The following TPTE variants were observed in gnomAD, a reference collection of about 807,000 sequenced individuals.
The protein encoded by TPTE is transmembrane phosphatase with tensin homology.
A neutral mutation model predicts 84.1 loss-of-function variants in TPTE; 59 were observed. The observed-to-expected ratio is 0.70, with a 90% CI of 0.57 to 0.87. The LOEUF is 0.87. Ranked by LOEUF, TPTE falls within the 40% of genes least tolerant of loss-of-function variation. The pLI, the probability that TPTE is intolerant of heterozygous loss-of-function variation, is 0.00. For synonymous variants in TPTE, 130 were observed against 223.5 expected, an observed-to-expected ratio of 0.58 and a Z score of 3.73; for missense variants, 382 against 659.6, an observed-to-expected ratio of 0.58 and a Z score of 4.61.
chr21:10,542,298 A>G (rs2074383088), intron 5 of TPTE, 97 bp from the exon 6 acceptor site: 1 of 1,426,996 alleles, frequency 7.0e-7, no homozygotes, highest in African/African-American at 1.4e-5. Context: ...GTCAGAAATT[A>G]ATTGGTTTCT....
In TPTE at chr21:10,542,500, A is replaced by G. The variant is rs564082001; in HGVS notation, c.119+52A>G. 42 of 1,599,426 alleles carry G rather than the reference A, an allele frequency of 2.6e-5. No individual in the cohort carries two copies. The East Asian group carries it at 4.3e-4, about 16-fold the overall frequency. Reference sequence around the variant, plus strand: ...CGTCAGCATAAGTGTGCATAGAACTATACACACACAGGCACATGAGCAAGT... The same window carrying G: ...CGTCAGCATAAGTGTGCATAGAACTGTACACACACAGGCACATGAGCAAGT... On this transcript the variant is annotated intron_variant, in intron 6 of 23. Transcript: ENST00000618007.
intron 17 of TPTE, among the ~76,000 whole-genome samples, chr21:10,589,409 GCT>G (rs1249430523): frequency 2.6e-5 from 4 of 152,304 alleles, no homozygotes; most frequent in African/African-American, 4.8e-5. Flanking sequence ...ATTGGGAGGA[GCT>G]CTCTGTTGCC....
chr21:10,561,222 G>T (rs563370206), intron 10 of TPTE, 31 bp downstream of exon 10: 156 of 1,609,352 alleles, frequency 9.7e-5, no homozygotes, highest in Middle Eastern at 9.1e-4. Context: ...AATGCATTAA[G>T]CTACTTTGTA....
At chr21:10,559,198 G>C (rs1399043540) in intron 8 of TPTE, among the ~76,000 whole-genome samples, 1 of 152,310 alleles carries the variant, frequency 6.6e-6, no homozygotes, top group Non-Finnish European at 1.5e-5. Flanking sequence ...TCCTTGAGAT[G>C]ATGACCACCA....
chr21:10,605,324 T>G (rs1436633645), intron 23 of TPTE, 93 bp from the exon 24 acceptor site: 4 of 1,488,438 alleles, frequency 2.7e-6, no homozygotes, highest in Non-Finnish European at 3.6e-6. Flanking sequence ...TGAGGTTCTT[T>G]TTTTGTTTCT....
intron 3 of TPTE, among the ~76,000 whole-genome samples, chr21:10,532,431 T>C (rs1437938175): frequency 6.6e-6 from 1 of 152,306 alleles, no homozygotes; most frequent in Non-Finnish European, 1.5e-5. Flanking sequence ...ATTGTAGTAA[T>C]CTTTGCAAAG....
At chr21:10,526,606 T>G (rs1317114884) in intron 2 of TPTE, among the ~76,000 whole-genome samples, 3 of 152,306 alleles carry the variant, frequency 2.0e-5, no homozygotes, top group Non-Finnish European at 4.4e-5. Flanking sequence ...TAGAAAATTG[T>G]GGTGAAGAGC....
intron 21 of TPTE, among the ~76,000 whole-genome samples, chr21:10,601,663 C>T (rs150567): frequency 4.6e-5 from 7 of 151,716 alleles, no homozygotes; most frequent in Admixed American, 1.3e-4. Flanking sequence ...GACCAGCCTG[C>T]CTAATATAGT....
chr21:10,553,857 T>A (rs1247742776), intron 8 of TPTE, among the ~76,000 whole-genome samples: 1 of 152,308 alleles, frequency 6.6e-6, no homozygotes, highest in Non-Finnish European at 1.5e-5. Context: ...ATGTACTGGA[T>A]ATTGTATTTA....
At chr21:10,600,090 C>G (rs1600988521) in intron 21 of TPTE, among the ~76,000 whole-genome samples, 1 of 152,302 alleles carries the variant, frequency 6.6e-6, no homozygotes, top group East Asian at 1.9e-4. Context: ...TAAACATGAG[C>G]CACGCTGCCC....
intron 21 of TPTE, among the ~76,000 whole-genome samples, chr21:10,599,600 A>T (rs2075651239): frequency 6.6e-6 from 1 of 152,312 alleles, no homozygotes; most frequent in Admixed American, 6.5e-5. Flanking sequence ...TGTGATAATT[A>T]TCAGGCCTCT....
At chr21:10,564,649 C>G (rs1465082719) in intron 10 of TPTE, among the ~76,000 whole-genome samples, 8 of 152,312 alleles carry the variant, frequency 5.3e-5, no homozygotes, top group Non-Finnish European at 8.8e-5. Flanking sequence ...AAAGATCACT[C>G]ATCATGACAA....
intron 10 of TPTE, among the ~76,000 whole-genome samples, chr21:10,564,834 A>G (rs553239448): frequency 1.3e-5 from 2 of 152,430 alleles, no homozygotes; most frequent in African/African-American, 2.4e-5. Flanking sequence ...AAAACTGGGT[A>G]TAGAAGTAAC....
chr21:10,527,898 A>C (rs1209394091), intron 3 of TPTE, among the ~76,000 whole-genome samples: 1 of 152,306 alleles, frequency 6.6e-6, no homozygotes, highest in Non-Finnish European at 1.5e-5. Flanking sequence ...AAGGTGGTGG[A>C]GGGACTTGAT....
intron 19 of TPTE, among the ~76,000 whole-genome samples, chr21:10,594,122 G>T (rs113678226): frequency 8.4e-4 from 127 of 151,958 alleles, no homozygotes; most frequent in African/African-American, 2.9e-3. Context: ...TGGCACTCAA[G>T]AGCCACTCTT....
At chr21:10,537,236 C>G (rs1031916431) in intron 3 of TPTE, among the ~76,000 whole-genome samples, 14 of 152,300 alleles carry the variant, frequency 9.2e-5, no homozygotes, top group Admixed American at 7.9e-4. Context: ...AACTAAACAT[C>G]GCTTGTGAGT....
At chr21:10,529,064 G>A (rs1312605763) in intron 3 of TPTE, among the ~76,000 whole-genome samples, 1 of 152,302 alleles carries the variant, frequency 6.6e-6, no homozygotes, top group Non-Finnish European at 1.5e-5. Context: ...CATGCCTGCA[G>A]TCCCAGCTAC....
intron 2 of TPTE, among the ~76,000 whole-genome samples, chr21:10,525,224 A>G (rs1426118891): frequency 6.6e-6 from 1 of 152,312 alleles, no homozygotes; most frequent in Non-Finnish European, 1.5e-5. Context: ...CGGCTTACAA[A>G]GCAGCATGAT....
At chr21:10,597,923 T>A in intron 20 of TPTE, 92 bp from the exon 21 acceptor site, 1 of 1,497,064 alleles carries the variant, frequency 6.7e-7, no homozygotes, top group Non-Finnish European at 9.1e-7. Context: ...TTGGATAATT[T>A]TTTCTCATTT....
Sources: gnomAD v4.1 joint callset for allele counts (sites outside exome capture counted in the v4.1 genomes callset) on GRCh38, gnomAD v4.1.1 for gene constraint, MANE v1.5 for transcripts, NCBI Gene and HGNC (gene_info 2026-07-23, HGNC 2026-07-21) for gene names.